The following STK32B variants were observed in gnomAD, a reference collection of about 807,000 sequenced individuals.
STK32B encodes serine/threonine-protein kinase 32B.
Under a neutral mutation model 52.6 loss-of-function variants are expected in STK32B, and 43 were observed. That is an observed-to-expected ratio of 0.82 (90% CI 0.64 to 1.05). The LOEUF (loss-of-function observed/expected upper bound fraction) is 1.05. STK32B is among the 50% of genes least tolerant of loss of function. The probability of loss-of-function intolerance (pLI) is 0.00; values close to 1 mark genes in which losing one functional copy is unlikely to be tolerated. For synonymous variants in STK32B, 238 were observed against 204.3 expected, an observed-to-expected ratio of 1.17 and a Z score of -1.41; for missense variants, 621 against 534.6, an observed-to-expected ratio of 1.16 and a Z score of -1.59.
chr4:5,443,652 A>G (rs1436720273), intron 6 of STK32B, among the ~76,000 whole-genome samples: 30 of 151,346 alleles, frequency 2.0e-4, no homozygotes, highest in African/African-American at 3.9e-4. Flanking sequence ...GAGGAACTGC[A>G]TTCCTTTGGA....
chr4:5,155,349 GC>G (rs1717729516), intron 2 of STK32B, among the ~76,000 whole-genome samples: 1 of 152,174 alleles, frequency 6.6e-6, no homozygotes, highest in African/African-American at 2.4e-5. Context: ...TGGGTCTCAT[GC>G]ACCAGAACAT....
rs377407916 is a variant in STK32B, at chr4:5,489,628, A to T, written c.1107-9317A>T. ...TTTTATTTTATTTTATTTATTTTTT[A>T]TTATTTTTTTTGAGATGGAGTCTTG... On this transcript the variant is annotated intron_variant, in intron 11 of 11. Coordinates refer to ENST00000282908, the MANE Select transcript of STK32B (RefSeq NM_018401.3). Among the ~76,000 whole-genome samples the T allele has an allele frequency of 2.9e-3, 438 of 151,498 alleles. 11 individuals are homozygous for T. In the East Asian group the frequency reaches 0.033, roughly 12 times the overall value.
chr4:5,168,803 T>G (rs1039793294), intron 3 of STK32B, among the ~76,000 whole-genome samples: 1 of 152,192 alleles, frequency 6.6e-6, no homozygotes, highest in East Asian at 1.9e-4. Context: ...ATACAGCTGA[T>G]GGCAGGAAGG....
rs192499623 is a variant in STK32B, at chr4:5,311,409, G to A, written c.261-19811G>A. 1.5e-3 allele frequency among the ~76,000 whole-genome samples: 235 copies of A among 151,938 alleles called. 4 individuals carry two copies. Among genetic ancestry groups the A allele is most frequent in the African/African-American group, 4.9e-3 (204 of 41,460 alleles). On this transcript the variant is annotated intron_variant, in intron 3 of 11. Transcript: ENST00000282908. ...ATTAAAAAGAGCAAAATAAACCCAA[G>A]GCAAGCTGAAAGAATGAAATAATAA...
chr4:5,295,396 A>G (rs1387127254), intron 3 of STK32B, among the ~76,000 whole-genome samples: 1 of 151,406 alleles, frequency 6.6e-6, no homozygotes, highest in Non-Finnish European at 1.5e-5. Context: ...GTGAATCTAT[A>G]TGGTCCTGGA....
intron 3 of STK32B, among the ~76,000 whole-genome samples, chr4:5,201,555 G>A (rs1321059328): frequency 2.0e-5 from 3 of 152,130 alleles, no homozygotes; most frequent in Non-Finnish European, 2.9e-5. Context: ...AAAGTGCTCC[G>A]GTTCAGGACA....
intron 3 of STK32B, among the ~76,000 whole-genome samples, chr4:5,212,164 T>C (rs1722945410): frequency 1.3e-5 from 2 of 152,230 alleles, no homozygotes; most frequent in Non-Finnish European, 2.9e-5. Flanking sequence ...TCTGATGTTT[T>C]ATACAGGCCA....
intron 1 of STK32B, among the ~76,000 whole-genome samples, chr4:5,122,257 CTCATTCATTCAT>C (rs758454286): frequency 4.4e-4 from 67 of 152,012 alleles, no homozygotes; most frequent in Non-Finnish European, 4.4e-4. Context: ...TACTCATTTA[CTCATTCATTCAT>C]TCATTCACTC....
chr4:5,106,996 G>C (rs887106831), intron 1 of STK32B, among the ~76,000 whole-genome samples: 2 of 152,126 alleles, frequency 1.3e-5, no homozygotes, highest in Non-Finnish European at 2.9e-5. Flanking sequence ...CCTAAAGCAG[G>C]AGTCCCCAAC....
intron 11 of STK32B, among the ~76,000 whole-genome samples, chr4:5,493,956 A>G (rs1310981880): frequency 6.6e-6 from 1 of 152,232 alleles, no homozygotes; most frequent in African/African-American, 2.4e-5. Flanking sequence ...GTTTGTTATA[A>G]TTTCTGATCT....
intron 4 of STK32B, among the ~76,000 whole-genome samples, chr4:5,387,239 A>C (rs914532523): frequency 6.6e-6 from 1 of 152,192 alleles, no homozygotes; most frequent in South Asian, 2.1e-4. Context: ...TGGTTGCCTC[A>C]TGACAAATTT....
At position 5,489,621 on chromosome 4, in the gene STK32B, A is replaced by ATTTTTTTTTTTTTTTT. The variant is rs1193462359; in HGVS notation, c.1107-9318_1107-9317insTTTTTTTTTTTTTTTT. 2.6e-5 allele frequency among the ~76,000 whole-genome samples: 4 copies of ATTTTTTTTTTTTTTTT among 151,586 alleles called. No homozygotes were observed. In the East Asian group the frequency reaches 6.0e-4, roughly 23 times the overall value. ...ACAACAATTTTATTTTATTTTATTT[A>ATTTTTTTTTTTTTTTT]TTTTTTATTATTTTTTTTGAGATGG... On this transcript the variant is annotated intron_variant, in intron 11 of 11. Coordinates refer to ENST00000282908, the MANE Select transcript of STK32B (RefSeq NM_018401.3).
At chr4:5,076,712 A>G (rs1712094404) in intron 1 of STK32B, among the ~76,000 whole-genome samples, 1 of 152,192 alleles carries the variant, frequency 6.6e-6, no homozygotes, top group East Asian at 1.9e-4. Context: ...TGAACTCTGT[A>G]CATGGTAATT....
intron 11 of STK32B, among the ~76,000 whole-genome samples, chr4:5,473,946 C>T (rs993210082): frequency 6.6e-6 from 1 of 152,074 alleles, no homozygotes; most frequent in Non-Finnish European, 1.5e-5. Context: ...GAAGCCCCAT[C>T]TCTAGTAAAA....
intron 7 of STK32B, among the ~76,000 whole-genome samples, chr4:5,455,691 A>T (rs762771791): frequency 2.0e-4 from 30 of 152,072 alleles, no homozygotes; most frequent in Admixed American, 5.9e-4. Flanking sequence ...GCACCTGCGG[A>T]GGGACTGAGA....
At chr4:5,449,608 C>T (rs1225459953) in intron 7 of STK32B, among the ~76,000 whole-genome samples, 2 of 152,102 alleles carry the variant, frequency 1.3e-5, no homozygotes, top group Non-Finnish European at 2.9e-5. Context: ...CTGTTAGGAA[C>T]TGGCCGCACA....
At chr4:5,131,679 G>C (rs1177693312) in intron 1 of STK32B, among the ~76,000 whole-genome samples, 1 of 152,152 alleles carries the variant, frequency 6.6e-6, no homozygotes, top group East Asian at 1.9e-4. Flanking sequence ...TGCACATGCT[G>C]TTCTCTCTGC....
chr4:5,305,155 T>C (rs1729839995), intron 3 of STK32B, among the ~76,000 whole-genome samples: 1 of 152,148 alleles, frequency 6.6e-6, no homozygotes, highest in Non-Finnish European at 1.5e-5. Flanking sequence ...TTTTCTTTTT[T>C]TGTTATGTCC....
intron 2 of STK32B, among the ~76,000 whole-genome samples, chr4:5,156,697 A>T (rs1717881002): frequency 6.6e-6 from 1 of 152,216 alleles, no homozygotes; most frequent in Non-Finnish European, 1.5e-5. Flanking sequence ...GCAGGGTCAA[A>T]GTGAAGTAAA....
Sources: gnomAD v4.1 joint callset for allele counts (sites outside exome capture counted in the v4.1 genomes callset) on GRCh38, gnomAD v4.1.1 for gene constraint, MANE v1.5 for transcripts, NCBI Gene and HGNC (gene_info 2026-07-23, HGNC 2026-07-21) for gene names.